The following PRKN variants were observed in gnomAD, a reference collection of about 807,000 sequenced individuals.
The protein encoded by PRKN is parkin RBR E3 ubiquitin protein ligase, also known as E3 ubiquitin-protein ligase parkin.
Under a neutral mutation model 59.5 loss-of-function variants are expected in PRKN, and 56 were observed. The observed-to-expected ratio is 0.94, with a 90% CI of 0.76 to 1.18. The LOEUF (loss-of-function observed/expected upper bound fraction) is 1.18. Among genes scored for constraint, PRKN ranks in the 50% most tolerant of loss-of-function variants. PRKN has a pLI of 0.00. For synonymous variants in PRKN, 250 were observed against 222.1 expected, an observed-to-expected ratio of 1.13 and a Z score of -1.12; for missense variants, 657 against 596.4, an observed-to-expected ratio of 1.10 and a Z score of -1.06.
At chr6:161,654,787 G>A (rs1302436919) in intron 7 of PRKN, among the ~76,000 whole-genome samples, 1 of 152,202 alleles carries the variant, frequency 6.6e-6, no homozygotes, top group African/African-American at 2.4e-5. Context: ...CCCATGGAGA[G>A]AAGGAGGCCA....
chr6:162,632,687 G>T (rs1156783028), intron 1 of PRKN, among the ~76,000 whole-genome samples: 1 of 151,740 alleles, frequency 6.6e-6, no homozygotes, highest in Non-Finnish European at 1.5e-5. Flanking sequence ...TAAATAAAAA[G>T]AACTCACTTT....
At chr6:161,921,980 G>A (rs1778801032) in intron 6 of PRKN, among the ~76,000 whole-genome samples, 1 of 152,208 alleles carries the variant, frequency 6.6e-6, no homozygotes, top group Non-Finnish European at 1.5e-5. Flanking sequence ...GCAGATGTCA[G>A]CCTCAATTGG....
At chr6:162,469,074 G>C (rs1309624923) in intron 1 of PRKN, among the ~76,000 whole-genome samples, 1 of 152,044 alleles carries the variant, frequency 6.6e-6, no homozygotes, top group Non-Finnish European at 1.5e-5. Context: ...ACATTCCTTA[G>C]GGATTTTAAT....
intron 1 of PRKN, among the ~76,000 whole-genome samples, chr6:162,715,606 C>T (rs1778691650): frequency 1.3e-5 from 2 of 152,208 alleles, no homozygotes; most frequent in Non-Finnish European, 2.9e-5. Context: ...TCACATCTCA[C>T]TTTCAGCGAC....
At chr6:162,077,422 C>G (rs1031334413) in intron 4 of PRKN, among the ~76,000 whole-genome samples, 1 of 152,084 alleles carries the variant, frequency 6.6e-6, no homozygotes, top group Non-Finnish European at 1.5e-5. Flanking sequence ...CACCACAGTT[C>G]AGCAATGCAT....
chr6:162,643,406 A>AAAAG (rs1371097429), intron 1 of PRKN, among the ~76,000 whole-genome samples: 2 of 150,058 alleles, frequency 1.3e-5, no homozygotes, highest in African/African-American at 4.9e-5. Context: ...TCAAAAAAAA[A>AAAAG]AAAAAAAAAG....
chr6:161,404,283 A>C (rs1787171268), intron 9 of PRKN, among the ~76,000 whole-genome samples: 1 of 152,174 alleles, frequency 6.6e-6, no homozygotes, highest in South Asian at 2.1e-4. Flanking sequence ...ATAAAGGTTT[A>C]TTCTAGGAAG....
chr6:162,238,660 A>G (rs139485409), intron 3 of PRKN, among the ~76,000 whole-genome samples: 254 of 152,306 alleles, frequency 1.7e-3, no homozygotes, highest in African/African-American at 5.6e-3. Context: ...GGCTGACCCC[A>G]AAGTTCACCC....
chr6:161,965,422 G>T (rs920758799), intron 6 of PRKN, among the ~76,000 whole-genome samples: 1 of 152,018 alleles, frequency 6.6e-6, no homozygotes, highest in African/African-American at 2.4e-5. Context: ...AGCAAATCGG[G>T]CTATTTTTCG....
chr6:162,608,865 G>A (rs1452166031), intron 1 of PRKN, among the ~76,000 whole-genome samples: 1 of 152,096 alleles, frequency 6.6e-6, no homozygotes, highest in Non-Finnish European at 1.5e-5. Context: ...GGACTGAAGG[G>A]ACAGGAGGGT....
At chr6:161,787,986 CAT>C (rs1446211045) in intron 6 of PRKN, among the ~76,000 whole-genome samples, 1 of 152,156 alleles carries the variant, frequency 6.6e-6, no homozygotes, top group Non-Finnish European at 1.5e-5. Flanking sequence ...GTAGAGGAAA[CAT>C]AAAGAAAACT....
intron 6 of PRKN, among the ~76,000 whole-genome samples, chr6:161,853,428 G>T (rs1320603483): frequency 1.3e-5 from 2 of 152,132 alleles, no homozygotes; most frequent in African/African-American, 2.4e-5. Flanking sequence ...AGAAGCCAAA[G>T]AATAAGTTTA....
At chr6:162,547,860 G>A (rs1456497161) in intron 1 of PRKN, among the ~76,000 whole-genome samples, 1 of 152,066 alleles carries the variant, frequency 6.6e-6, no homozygotes, top group African/African-American at 2.4e-5. Flanking sequence ...GGGATTATAG[G>A]CATGAGCCAC....
rs560464828 is a variant in PRKN, at chr6:161,969,695, T to C, written c.734+3607A>G. Among the ~76,000 whole-genome samples, 5 of 152,286 alleles carry C rather than the reference T, an allele frequency of 3.3e-5. No individual in the cohort carries two copies. The South Asian group carries it at 1.0e-3, about 32-fold the overall frequency. On this transcript the variant is annotated intron_variant, in intron 6 of 11. Coordinates refer to ENST00000366898, the MANE Select transcript of PRKN (RefSeq NM_004562.3). ...AATATTTTACTTTTATTTTCCAGTA[T>C]GATAAGGAGTTCACAGAAACTATAT...
At chr6:161,628,817 G>A (rs556417117) in intron 7 of PRKN, among the ~76,000 whole-genome samples, 14 of 152,306 alleles carry the variant, frequency 9.2e-5, no homozygotes, top group African/African-American at 2.6e-4. Flanking sequence ...ATGTAGAGGC[G>A]CGTAATAGGC....
chr6:162,143,277 T>G (rs1781866424), intron 4 of PRKN, among the ~76,000 whole-genome samples: 1 of 152,246 alleles, frequency 6.6e-6, no homozygotes, highest in Non-Finnish European at 1.5e-5. Flanking sequence ...TTAAAATTAT[T>G]CCTTAAATGC....
rs780859951 is a variant in PRKN at position 161,445,648 on chromosome 6, T to C, written c.1084-58771A>G. On this transcript the variant is annotated intron_variant, in intron 9 of 11. Transcript: ENST00000366898. This position sits in a 1 kb window ranked among gnomAD's most constrained non-coding sequence, Gnocchi z 7.7. ...GCAGCTGAATGGGATCGGTGCAGCA[T>C]GATAGAGGCCAGCTGCCCCGCACCA... Among the ~76,000 whole-genome samples the C allele has an allele frequency of 2.0e-5, 3 of 152,152 alleles. No homozygotes were observed. The highest frequency in any genetic ancestry group is 7.2e-5 in the African/African-American group (3 of 41,448).
chr6:161,806,026 AG>A (rs1791305326), intron 6 of PRKN, among the ~76,000 whole-genome samples: 1 of 152,248 alleles, frequency 6.6e-6, no homozygotes, highest in Non-Finnish European at 1.5e-5. Flanking sequence ...TCCCTGGCAT[AG>A]GCCTTCTGGG....
At chr6:161,509,422 G>A (rs1333331456) in intron 9 of PRKN, among the ~76,000 whole-genome samples, 1 of 152,116 alleles carries the variant, frequency 6.6e-6, no homozygotes, top group African/African-American at 2.4e-5. Flanking sequence ...GGCTTTTAGA[G>A]CCAGGGAGGA....
Sources: gnomAD v4.1 joint callset for allele counts (sites outside exome capture counted in the v4.1 genomes callset) on GRCh38, gnomAD v4.1.1 for gene constraint, Gnocchi (gnomAD v3.1) non-coding constraint, MANE v1.5 for transcripts, NCBI Gene and HGNC (gene_info 2026-07-23, HGNC 2026-07-21) for gene names.